The following RBM19 variants were observed in gnomAD, a reference collection of about 807,000 sequenced individuals.
The protein encoded by RBM19 is probable RNA-binding protein 19.
RBM19 carries 94 observed loss-of-function variants against 116.8 expected under a neutral mutation model. The observed-to-expected ratio is 0.80, with a 90% CI of 0.68 to 0.95. The LOEUF (loss-of-function observed/expected upper bound fraction) is 0.95. RBM19 is among the 40% of genes least tolerant of loss of function. The pLI is 0.00. For synonymous variants in RBM19, 475 were observed against 494.1 expected, an observed-to-expected ratio of 0.96 and a Z score of 0.51; for missense variants, 1,161 against 1,220.7, an observed-to-expected ratio of 0.95 and a Z score of 0.73.
At chr12:113,909,110 G>A (rs1248449066) in intron 21 of RBM19, among the ~76,000 whole-genome samples, 1 of 152,146 alleles carries the variant, frequency 6.6e-6, no homozygotes, top group Non-Finnish European at 1.5e-5. Context: ...GCTGGCGTGT[G>A]CTGAAGGCCT....
intron 21 of RBM19, among the ~76,000 whole-genome samples, chr12:113,876,912 C>A (rs1006375798): frequency 2.0e-5 from 3 of 152,224 alleles, no homozygotes; most frequent in Non-Finnish European, 2.9e-5. Flanking sequence ...GAATAACCCT[C>A]CCTCCAGAGT....
rs772992045 is a variant in RBM19 at position 113,844,753 on chromosome 12, C to T, written c.2700G>A (p.Leu900=). 5.6e-6 allele frequency: 9 copies of T among 1,613,516 alleles called. No homozygotes were observed. Among genetic ancestry groups the T allele is most frequent in the Non-Finnish European group, 7.6e-6 (9 of 1,179,808 alleles). ...AFNALCHSTH[L]YGRRLVLEWA... ...ACTCCAGCACCAGCCTCCGCCCGTA[C>T]AAGTGGGTGCTGTGACACAGGGCGT... Residue 900 remains leucine (L), a synonymous_variant, in exon 23 of 24, where the codon TTG becomes TTA. Transcript: ENST00000261741.
At chr12:113,878,132 C>T (rs1219682037) in intron 21 of RBM19, among the ~76,000 whole-genome samples, 3 of 152,232 alleles carry the variant, frequency 2.0e-5, no homozygotes, top group Non-Finnish European at 4.4e-5. Context: ...TGGCCCTTTA[C>T]AGAAACATCG....
intron 21 of RBM19, among the ~76,000 whole-genome samples, chr12:113,890,301 C>G (rs892047717): frequency 2.2e-4 from 34 of 152,174 alleles, no homozygotes; most frequent in Non-Finnish European, 1.3e-4. Context: ...CCTTCCTCTG[C>G]TCTGCTGTTT....
At chr12:113,830,547 G>A (rs1055018842) in intron 23 of RBM19, among the ~76,000 whole-genome samples, 1 of 122,264 alleles carries the variant, frequency 8.2e-6, no homozygotes, top group Admixed American at 1.0e-4. Context: ...TGATACCCAT[G>A]GAGTTACCCT....
intron 21 of RBM19, among the ~76,000 whole-genome samples, chr12:113,868,468 T>A (rs953796281): frequency 6.6e-6 from 1 of 152,264 alleles, no homozygotes; most frequent in Admixed American, 6.5e-5. Flanking sequence ...AGATATTCTA[T>A]GTTTAAAGTC....
At chr12:113,935,766 G>A (rs1340090354) in intron 16 of RBM19, among the ~76,000 whole-genome samples, 13 of 152,218 alleles carry the variant, frequency 8.5e-5, no homozygotes, top group Admixed American at 8.5e-4. Flanking sequence ...GGGCGTGGTG[G>A]CTTATGCCTG....
intron 21 of RBM19, among the ~76,000 whole-genome samples, chr12:113,884,425 A>G (rs1276169425): frequency 6.6e-6 from 1 of 151,940 alleles, no homozygotes; most frequent in Non-Finnish European, 1.5e-5. Flanking sequence ...CAATGTCTGG[A>G]GGCATTTTTA....
chr12:113,927,996 T>TA (rs1869256214), intron 16 of RBM19, among the ~76,000 whole-genome samples: 2 of 152,168 alleles, frequency 1.3e-5, no homozygotes, highest in South Asian at 4.1e-4. Flanking sequence ...ATTAAGATAT[T>TA]AAAAAAGTAT....
At chr12:113,946,296 G>C (rs1266942037) in intron 12 of RBM19, 58 bp downstream of exon 12, 3 of 1,612,066 alleles carry the variant, frequency 1.9e-6, no homozygotes, top group Non-Finnish European at 1.7e-6. Context: ...AGAAAGGGCA[G>C]GGTGAGGGTG....
Position 113,924,610 on chromosome 12 carries a change from C to T in RBM19, c.2305+87G>A, listed in dbSNP as rs73397091. 1,491 of 1,212,372 alleles carry T rather than the reference C, an allele frequency of 1.2e-3. 13 individuals carry two copies. The African/African-American group carries it at 0.018, about 14-fold the overall frequency. 75.1% of individuals were successfully genotyped at this position (1,212,372 alleles called of 1,614,324 possible). On this transcript the variant is annotated intron_variant, in intron 18 of 23. Transcript: ENST00000261741. ...CAAAATGTGCAAGGGAGAACTACCC[C>T]AACCCCTTGTCTGAAGCTGGAGCTT...
intron 21 of RBM19, among the ~76,000 whole-genome samples, chr12:113,862,316 T>G (rs375694490): frequency 1.1e-4 from 16 of 152,268 alleles, no homozygotes; most frequent in Admixed American, 9.8e-4. Flanking sequence ...CGAGGCGAGA[T>G]CTTTCTCATC....
intron 16 of RBM19, among the ~76,000 whole-genome samples, chr12:113,936,345 C>T (rs55932538): frequency 0.021 from 3,133 of 152,224 alleles, 123 homozygotes; most frequent in African/African-American, 0.072. Context: ...GTCCTCGATG[C>T]GGGGGATACA....
intron 2 of RBM19, among the ~76,000 whole-genome samples, chr12:113,961,690 C>T (rs1049139605): frequency 6.6e-6 from 1 of 152,224 alleles, no homozygotes; most frequent in African/African-American, 2.4e-5. Context: ...CTCCAGGAAG[C>T]TTTCCTGACT....
chr12:113,890,886 C>G (rs1593540691), intron 21 of RBM19, among the ~76,000 whole-genome samples: 1 of 152,208 alleles, frequency 6.6e-6, no homozygotes, highest in Non-Finnish European at 1.5e-5. Flanking sequence ...CTCTCAGGCT[C>G]AAGCCATGCT....
chr12:113,931,528 C>G (rs1004747482), intron 16 of RBM19, among the ~76,000 whole-genome samples: 3 of 152,176 alleles, frequency 2.0e-5, no homozygotes, highest in African/African-American at 7.2e-5. Context: ...TACCCCTCAC[C>G]TCACCTGGAC....
At position 113,825,506 on chromosome 12, in the gene RBM19, G is replaced by A. The variant is rs1221482243; in HGVS notation, c.2786-2185C>T. ...GGTAATAGGAACTGGAAAATAGAAC[G>A]CAACAAAACAGGGCCCACAGGCGAT... On this transcript the variant is annotated intron_variant, in intron 23 of 23. Coordinates refer to ENST00000261741, the MANE Select transcript of RBM19 (RefSeq NM_016196.4). This position sits in a 1 kb window ranked among gnomAD's most constrained non-coding sequence, Gnocchi z 5.7. Among the ~76,000 whole-genome samples the A allele has an allele frequency of 5.3e-5, 8 of 152,106 alleles. No homozygotes were observed. Among genetic ancestry groups the A allele is most frequent in the Non-Finnish European group, 1.0e-4 (7 of 68,030 alleles).
chr12:113,908,155 CAG>C (rs1423214398), intron 21 of RBM19, among the ~76,000 whole-genome samples: 2 of 152,216 alleles, frequency 1.3e-5, no homozygotes, highest in Non-Finnish European at 2.9e-5. Flanking sequence ...CTGATTTTTG[CAG>C]AGTTTCTTCA....
Position 113,959,382 on chromosome 12 carries a change from T to C in RBM19, c.401A>G (p.Gln134Arg), listed in dbSNP as rs764925929. Reference protein sequence around the residue: ...LEKLKEDTEFQEFLSVHQRRA... With the variant: ...LEKLKEDTEFREFLSVHQRRA... Reference sequence around the variant, plus strand: ...CCTCTGATGAACTGACAGAAACTCCTGGAACTCTGTATCCTCCTTCAGCTG... The same window carrying C: ...CCTCTGATGAACTGACAGAAACTCCCGGAACTCTGTATCCTCCTTCAGCTG... Residue 134 changes from glutamine to arginine, a missense_variant, in exon 5 of 24, where the codon CAG (glutamine) becomes CGG (arginine). Physicochemically the swap from Gln to Arg is conservative, Grantham distance 43 (BLOSUM62 1). Transcript: ENST00000261741. 1.5e-5 allele frequency: 24 copies of C among 1,608,356 alleles called. No homozygotes were observed. Among genetic ancestry groups the C allele is most frequent in the Middle Eastern group, 3.3e-4 (2 of 6,064 alleles).
Sources: allele counts gnomAD v4.1 joint callset (sites outside exome capture counted in the v4.1 genomes callset), GRCh38; gene constraint gnomAD v4.1.1; non-coding constraint Gnocchi (gnomAD v3.1); transcripts MANE v1.5; gene names NCBI Gene and HGNC (gene_info 2026-07-23, HGNC 2026-07-21).